TMEM132C: variants seen among roughly 807,000 people sequenced by gnomAD.
The protein encoded by TMEM132C is protein phosphatase 1, regulatory subunit 152.
In TMEM132C, 29 loss-of-function variants were observed where a neutral mutation model predicts 61.4. The ratio of observed to expected loss-of-function variants is 0.47; its 90% CI spans 0.35 to 0.64. The LOEUF is 0.64. Among genes scored for constraint, TMEM132C ranks in the 30% least tolerant of loss-of-function variants. The pLI, the probability that TMEM132C is intolerant of heterozygous loss-of-function variation, is 0.00. For missense variants in TMEM132C, 1,408 were observed against 1,476.9 expected, an observed-to-expected ratio of 0.95 and a Z score of 0.76; for synonymous variants, 656 against 633.1, an observed-to-expected ratio of 1.04 and a Z score of -0.54.
At chr12:128,306,063 C>T (rs1282350539) in intron 1 of TMEM132C, among the ~76,000 whole-genome samples, 3 of 152,092 alleles carry the variant, frequency 2.0e-5, no homozygotes, top group Non-Finnish European at 4.4e-5. Flanking sequence ...GAGTTTGACA[C>T]CAATGACACT....
intron 2 of TMEM132C, among the ~76,000 whole-genome samples, chr12:128,428,580 T>C (rs1056619939): frequency 6.6e-6 from 1 of 152,176 alleles, no homozygotes; most frequent in African/African-American, 2.4e-5. Flanking sequence ...AAGTGGTAGA[T>C]TAATCCCACC....
At chr12:128,401,651 A>G (rs1259602939) in intron 1 of TMEM132C, among the ~76,000 whole-genome samples, 1 of 152,254 alleles carries the variant, frequency 6.6e-6, no homozygotes, top group African/African-American at 2.4e-5. Context: ...CACATACAGT[A>G]TGTGGAATCA....
chr12:128,500,520 A>C (rs1872134392), intron 2 of TMEM132C, among the ~76,000 whole-genome samples: 1 of 152,232 alleles, frequency 6.6e-6, no homozygotes. Flanking sequence ...ATTCCACTTT[A>C]AAATGAGCAA....
At chr12:128,453,654 A>G (rs1196932440) in intron 2 of TMEM132C, among the ~76,000 whole-genome samples, 2 of 152,178 alleles carry the variant, frequency 1.3e-5, no homozygotes, top group African/African-American at 2.4e-5. Flanking sequence ...GTAAAAATCT[A>G]CTATGATCCA....
At chr12:128,640,188 G>C (rs1954147045) in intron 4 of TMEM132C, among the ~76,000 whole-genome samples, 1 of 152,164 alleles carries the variant, frequency 6.6e-6, no homozygotes, top group African/African-American at 2.4e-5. Flanking sequence ...AAAATAATGT[G>C]TGTAATTAGC....
At chr12:128,515,500 C>T (rs1565959415) in intron 2 of TMEM132C, among the ~76,000 whole-genome samples, 1 of 152,214 alleles carries the variant, frequency 6.6e-6, no homozygotes, top group African/African-American at 2.4e-5. Flanking sequence ...AAAGTGAATG[C>T]TCTAGCCACC....
intron 1 of TMEM132C, among the ~76,000 whole-genome samples, chr12:128,371,500 G>A (rs913395004): frequency 6.6e-6 from 1 of 152,190 alleles, no homozygotes; most frequent in African/African-American, 2.4e-5. Flanking sequence ...CTTTGCATTG[G>A]AAATGTTGAG....
rs147178366 is a variant in TMEM132C at position 128,612,664 on chromosome 12, G to A, written c.1122-3488G>A. The stretch of plus-strand genomic sequence containing the variant: ...TGGAATAAGGTCTGCGTGGAACCTG[G>A]TCCAGTGCCCGGCACATAGTGAGTA... On this transcript the variant is annotated intron_variant, in intron 3 of 8. Coordinates refer to ENST00000435159, the MANE Select transcript of TMEM132C (RefSeq NM_001136103.3). Among the ~76,000 whole-genome samples the A allele has an allele frequency of 1.1e-4, 16 of 152,304 alleles. No homozygotes were observed. In the East Asian group the frequency reaches 3.1e-3, roughly 29 times the overall value.
chr12:128,292,611 T>C (rs1264770228), intron 1 of TMEM132C, among the ~76,000 whole-genome samples: 1 of 151,410 alleles, frequency 6.6e-6, no homozygotes, highest in Non-Finnish European at 1.5e-5. Flanking sequence ...TATTCATAAG[T>C]GTCTGTTAAG....
intron 2 of TMEM132C, among the ~76,000 whole-genome samples, chr12:128,462,210 A>G (rs1870555328): frequency 1.3e-5 from 2 of 151,944 alleles, no homozygotes; most frequent in South Asian, 2.1e-4. Context: ...GGTTCAAGCA[A>G]TTTTCCCTGC....
chr12:128,296,603 C>A (rs1871423242), intron 1 of TMEM132C, among the ~76,000 whole-genome samples: 1 of 152,174 alleles, frequency 6.6e-6, no homozygotes, highest in Non-Finnish European at 1.5e-5. Flanking sequence ...GAGCACAGAG[C>A]CATTCTGTAG....
At chr12:128,332,219 T>C (rs1337643561) in intron 1 of TMEM132C, among the ~76,000 whole-genome samples, 1 of 152,238 alleles carries the variant, frequency 6.6e-6, no homozygotes, top group African/African-American at 2.4e-5. Context: ...GGTTTCTTAA[T>C]GTCTTAAGAC....
chr12:128,483,903 G>T (rs1384882393), intron 2 of TMEM132C, among the ~76,000 whole-genome samples: 4 of 152,068 alleles, frequency 2.6e-5, no homozygotes, highest in Non-Finnish European at 4.4e-5. Context: ...AACCCTCAAA[G>T]CTCATCGCTT....
chr12:128,366,012 C>T (rs952677142), intron 1 of TMEM132C, among the ~76,000 whole-genome samples: 6 of 152,340 alleles, frequency 3.9e-5, no homozygotes, highest in African/African-American at 1.2e-4. Flanking sequence ...ATCCGCGGGC[C>T]GTGATTAAAC....
chr12:128,492,515 G>A (rs1030547026), intron 2 of TMEM132C, among the ~76,000 whole-genome samples: 1 of 152,170 alleles, frequency 6.6e-6, no homozygotes, highest in African/African-American at 2.4e-5. Context: ...AGCACCTGTT[G>A]TTTCCTGACT....
chr12:128,596,542 T>TC (rs1875959204), intron 3 of TMEM132C, among the ~76,000 whole-genome samples: 1 of 135,648 alleles, frequency 7.4e-6, no homozygotes, highest in Admixed American at 7.4e-5. Flanking sequence ...GCTTCACTGA[T>TC]CCCTGTTCTG....
chr12:128,577,351 G>T (rs10773556), intron 3 of TMEM132C, among the ~76,000 whole-genome samples: 152,235 of 152,364 alleles, frequency 1, 76,053 homozygotes, highest in East Asian at 1. Flanking sequence ...CTCTTTTCAC[G>T]GTTGGGAGAA....
At chr12:128,407,502 C>T (rs1157430852) in intron 1 of TMEM132C, among the ~76,000 whole-genome samples, 2 of 152,164 alleles carry the variant, frequency 1.3e-5, no homozygotes, top group Admixed American at 6.5e-5. Context: ...TGTTCAAGGC[C>T]TCCTGAGTCT....
At position 128,705,441 on chromosome 12, in the gene TMEM132C, C is replaced by G. The variant is rs919803681; in HGVS notation, c.2473C>G (p.Arg825Gly). 6.4e-7 allele frequency: 1 copy of G among 1,551,014 alleles called. No individual in the cohort carries two copies. ...GATCAAGAACCACGCCAGCGACCGCCGGCAGAAGGGCCAGCACCATGAGCG... is the reference window on the plus strand; with the variant it reads ...GATCAAGAACCACGCCAGCGACCGCGGGCAGAAGGGCCAGCACCATGAGCG... Reference protein sequence around the residue: ...DEIKNHASDRRQKGQHHERTG... With the variant: ...DEIKNHASDRGQKGQHHERTG... Residue 825 changes from arginine (R) to glycine (G), a missense_variant, in exon 9 of 9, where the codon CGG (arginine) becomes GGG (glycine). Physicochemically the swap from Arg to Gly is moderately radical, Grantham distance 125 (BLOSUM62 -2). Coordinates refer to ENST00000435159, the MANE Select transcript of TMEM132C (RefSeq NM_001136103.3).
Sources: gnomAD v4.1 joint callset for allele counts (sites outside exome capture counted in the v4.1 genomes callset) on GRCh38, gnomAD v4.1.1 for gene constraint, MANE v1.5 for transcripts, NCBI Gene and HGNC (gene_info 2026-07-23, HGNC 2026-07-21) for gene names.